ATG2A: variants seen among roughly 807,000 people sequenced by gnomAD.
ATG2A encodes the protein autophagy related 2A.
Under a neutral mutation model 214.2 loss-of-function variants are expected in ATG2A, and 103 were observed. That is an observed-to-expected ratio of 0.48 (90% confidence interval 0.41 to 0.57). ATG2A has a LOEUF of 0.57. ATG2A is among the 20% of genes least tolerant of loss of function. The pLI is 0.00. For synonymous variants in ATG2A, 1,160 were observed against 1,142.1 expected, an observed-to-expected ratio of 1.02 and a Z score of -0.32; for missense variants, 2,312 against 2,613.2, an observed-to-expected ratio of 0.88 and a Z score of 2.51.
At chr11:64,908,562 G>GA (rs952816571) in intron 16 of ATG2A, among the ~76,000 whole-genome samples, 55 of 148,800 alleles carry the variant, frequency 3.7e-4, no homozygotes, top group Admixed American at 1.8e-3. Flanking sequence ...AAAAAAAAAA[G>GA]AAAAAAAAAG....
At chr11:64,901,286 C>A (rs563609642) in intron 29 of ATG2A, among the ~76,000 whole-genome samples, 194 bp from the exon 30 acceptor site, 1 of 152,116 alleles carries the variant, frequency 6.6e-6, no homozygotes, top group Admixed American at 6.5e-5. Flanking sequence ...TAGGCTCAAG[C>A]GATCCTCCAT....
At position 64,894,592 on chromosome 11, in the gene ATG2A, ACTCACGGAG is replaced by A. The variant is rs1208300363; in HGVS notation, c.*372_*380del. The A allele has an allele frequency of 2.0e-6, 1 of 503,184 alleles. No homozygotes were observed. The highest frequency in any genetic ancestry group is 3.9e-6 in the Non-Finnish European group (1 of 258,072). The allele number at this position is 503,184 out of a possible 1,614,324, so 31.2% of individuals were successfully genotyped here. ...ACTTCATGCAGACACTGACCCACGC[ACTCACGGAG>A]CTTAAAAATAATACATCGAACCACA... On this transcript the variant is annotated 3_prime_UTR_variant, in exon 41 of 41. Coordinates refer to ENST00000377264, the MANE Select transcript of ATG2A (RefSeq NM_015104.3).
Position 64,913,039 on chromosome 11 carries a change from T to C in ATG2A, c.824A>G (p.Lys275Arg), listed in dbSNP as rs1183214921. ...CTCCCCAGGGGCCTGGGGACCCACC[T>C]TGGGGCCAGGGAAGGCCTCATTTTG... is the stretch of plus-strand genomic sequence containing the variant. ...LKQNEAFPGP[K>R]LEVAGQLGSL... The change falls in exon 6 of 41, where the codon AAG (lysine) becomes AGG (arginine). Residue 275 changes from lysine to arginine, a missense_variant and splice_region_variant. Lys to Arg is a conservative substitution (Grantham distance 26). Transcript: ENST00000377264. The surrounding 1 kb of genome is among the most constrained non-coding windows in gnomAD (Gnocchi z 4.3). 3 of 1,551,806 alleles carry C rather than the reference T, an allele frequency of 1.9e-6. No individual in the cohort carries two copies. Among genetic ancestry groups the C allele is most frequent in the East Asian group, 2.3e-5 (1 of 42,602 alleles).
In ATG2A at chr11:64,913,874, C is replaced by T; in HGVS notation, c.537G>A (p.Glu179=). Residue 179 remains glutamate, a synonymous_variant, in exon 4 of 41, where the codon GAG becomes GAA. Transcript: ENST00000377264. The surrounding 1 kb of genome is among the most constrained non-coding windows in gnomAD (Gnocchi z 4.3). ...VTFLDTVVRV[E]HSPGDGERGV... Reference sequence around the variant, plus strand: ...CACGTTCCCCATCACCCGGAGAGTGCTCCACCCTCACGACAGTGTCCAGGA... The same window carrying T: ...CACGTTCCCCATCACCCGGAGAGTGTTCCACCCTCACGACAGTGTCCAGGA... 6.2e-7 allele frequency: 1 copy of T among 1,614,022 alleles called. No homozygotes were observed. The highest frequency in any genetic ancestry group is 8.5e-7 in the Non-Finnish European group (1 of 1,180,024).
rs1944416615 is a variant in ATG2A at position 64,903,080 on chromosome 11, C to A, written c.3612+208G>T. Among the ~76,000 whole-genome samples, 1 of 152,156 alleles carries A rather than the reference C, an allele frequency of 6.6e-6. No individual in the cohort carries two copies. Among genetic ancestry groups the A allele is most frequent in the East Asian group, 1.9e-4 (1 of 5,196 alleles). On this transcript the variant is annotated intron_variant, in intron 26 of 40. Transcript: ENST00000377264. This position sits in a 1 kb window ranked among gnomAD's most constrained non-coding sequence, Gnocchi z 4.2. ...CGTCCTCTGGTGGCAGGGCTGAAAC[C>A]CATTCATTCATTCAGCCAGCATCAA...
intron 16 of ATG2A, 89 bp from the exon 17 acceptor site, chr11:64,907,979 G>A (rs555474005): frequency 4.4e-5 from 64 of 1,443,802 alleles, no homozygotes; most frequent in East Asian, 9.5e-5. Flanking sequence ...CCCTCCTGTC[G>A]TTCATCATTC....
At position 64,906,626 on chromosome 11, in the gene ATG2A, C is replaced by T. The variant is rs200263070; in HGVS notation, c.2983+39G>A. ...CGTCCTGAAAGCCCTCCACCCCCAA[C>T]CCTGGACCCCAGTGGTGACCTGCCC... On this transcript the variant is annotated intron_variant, in intron 20 of 40. Coordinates refer to ENST00000377264, the MANE Select transcript of ATG2A (RefSeq NM_015104.3). 16 of 1,611,480 alleles carry T rather than the reference C, an allele frequency of 9.9e-6. No homozygotes were observed. The African/African-American group carries it at 2.0e-4, about 20-fold the overall frequency.
Position 64,913,212 on chromosome 11 carries a change from T to A in ATG2A, c.726+54A>T. 6.2e-7 allele frequency: 1 copy of A among 1,611,328 alleles called. No individual in the cohort carries two copies. The highest frequency in any genetic ancestry group is 1.3e-5 in the African/African-American group (1 of 74,964). ...GATGGTCAGAAAGGATGGGAGGGGC[T>A]CAATGGGCTCAAGGGAGAGGAGACA... On this transcript the variant is annotated intron_variant, in intron 5 of 40. Transcript: ENST00000377264. The surrounding 1 kb of genome is among the most constrained non-coding windows in gnomAD (Gnocchi z 4.3).
chr11:64,905,472 A>C, intron 24 of ATG2A, 91 bp downstream of exon 24: 1 of 1,334,294 alleles, frequency 7.5e-7, no homozygotes, highest in Non-Finnish European at 1.0e-6. Flanking sequence ...CCGGGTGTAC[A>C]TTAAGACCGA....
In ATG2A at chr11:64,909,737, C is replaced by T. The variant is rs142419696; in HGVS notation, c.2051G>A (p.Ser684Asn). 7.4e-6 allele frequency: 12 copies of T among 1,613,054 alleles called. No homozygotes were observed. Among genetic ancestry groups the T allele is most frequent in the Middle Eastern group, 1.6e-4 (1 of 6,082 alleles). ...SEPQFRSELS[S>N]GPGPPVPTHL... is the part of the protein sequence containing the mutation. Reference sequence around the variant, plus strand: ...GGTGGGGACTGGGGGACCAGGCCCACTGCTAAGCTCTGACCGGAACTGGGG... The same window carrying T: ...GGTGGGGACTGGGGGACCAGGCCCATTGCTAAGCTCTGACCGGAACTGGGG... The change falls in exon 14 of 41, where the codon AGT (serine) becomes AAT (asparagine). Residue 684 changes from serine to asparagine, a missense_variant. Ser to Asn is a conservative substitution (Grantham distance 46, BLOSUM62 1). Transcript: ENST00000377264.
At position 64,913,886 on chromosome 11, in the gene ATG2A, G is replaced by C; in HGVS notation, c.525C>G (p.Val175=). 6.2e-7 allele frequency: 1 copy of C among 1,614,026 alleles called. No individual in the cohort carries two copies. The highest frequency in any genetic ancestry group is 1.3e-5 in the African/African-American group (1 of 75,028). ...RRIKVTFLDT[V]VRVEHSPGDG... is the part of the protein sequence containing the mutation. The stretch of plus-strand genomic sequence containing the variant: ...CACCCGGAGAGTGCTCCACCCTCAC[G>C]ACAGTGTCCAGGAAGGTCACTTTGA... The change falls in exon 4 of 41, where the codon GTC becomes GTG. Residue 175 remains valine, a synonymous_variant. Transcript: ENST00000377264. The surrounding 1 kb of genome is among the most constrained non-coding windows in gnomAD (Gnocchi z 4.3).
intron 26 of ATG2A, 64 bp from the exon 27 acceptor site, chr11:64,902,744 C>A: frequency 6.7e-7 from 1 of 1,486,146 alleles, no homozygotes; most frequent in Non-Finnish European, 9.2e-7. Context: ...CTGGCCCCAC[C>A]CGCTCGCTGG....
rs1293471761 is a variant in ATG2A at position 64,895,453 on chromosome 11, T to G, written c.5428-11A>C. On this transcript the variant is annotated splice_polypyrimidine_tract_variant and intron_variant, in intron 39 of 40. Transcript: ENST00000377264. The surrounding 1 kb of genome is among the most constrained non-coding windows in gnomAD (Gnocchi z 5.0). ...GGTCTCAGCTGTGGCCTGGGGGACA[T>G]GGGAGCACTGGATGAGGACAGCTGG... is the stretch of plus-strand genomic sequence containing the variant. The G allele has an allele frequency of 6.4e-7, 1 of 1,550,966 alleles. No homozygotes were observed. The highest frequency in any genetic ancestry group is 8.7e-7 in the Non-Finnish European group (1 of 1,146,210).
chr11:64,902,817 G>T, intron 26 of ATG2A, 137 bp from the exon 27 acceptor site: 1 of 734,440 alleles, frequency 1.4e-6, no homozygotes, highest in Non-Finnish European at 2.3e-6. Flanking sequence ...TGGAGTGGAT[G>T]ACCTGCCCAG....
rs1266629948 is a variant in ATG2A, at chr11:64,895,895, C to T, written c.5428-453G>A. Among the ~76,000 whole-genome samples the T allele has an allele frequency of 2.6e-5, 4 of 152,168 alleles. No individual in the cohort carries two copies. Among genetic ancestry groups the T allele is most frequent in the Admixed American group, 6.5e-5 (1 of 15,280 alleles). Reference sequence around the variant, plus strand: ...TCTTTCCCACCTGACTGAACACTCCCGGGGGCTCCCTGGTGCCCATGCATC... The same window carrying T: ...TCTTTCCCACCTGACTGAACACTCCTGGGGGCTCCCTGGTGCCCATGCATC... On this transcript the variant is annotated intron_variant, in intron 39 of 40. Transcript: ENST00000377264. This position sits in a 1 kb window ranked among gnomAD's most constrained non-coding sequence, Gnocchi z 5.0.
At position 64,898,706 on chromosome 11, in the gene ATG2A, G is replaced by C. The variant is rs1555182829; in HGVS notation, c.4601C>G (p.Ser1534Cys). The C allele has an allele frequency of 6.2e-7, 1 of 1,614,008 alleles. No homozygotes were observed. Among genetic ancestry groups the C allele is most frequent in the Non-Finnish European group, 8.5e-7 (1 of 1,180,026 alleles). The change falls in exon 32 of 41, where the codon TCC becomes TGC. Residue 1534 changes from serine to cysteine, a missense_variant. Transcript: ENST00000377264. This position sits in a 1 kb window ranked among gnomAD's most constrained non-coding sequence, Gnocchi z 4.5. Reference protein sequence around the residue: ...QELEVRDRLASSQINKFLYLH... With the variant: ...QELEVRDRLACSQINKFLYLH... ...GTACAGGAACTTGTTGATCTGGGAGGAGGCGAGCCGGTCTCGGACCTCCAG... is the reference window on the plus strand; with the variant it reads ...GTACAGGAACTTGTTGATCTGGGAGCAGGCGAGCCGGTCTCGGACCTCCAG...
rs199850488 is a variant in ATG2A, at chr11:64,896,624, G to T, written c.5273-8C>A. 42 of 1,612,282 alleles carry T rather than the reference G, an allele frequency of 2.6e-5. No homozygotes were observed. The highest frequency in any genetic ancestry group is 3.4e-5 in the Non-Finnish European group (40 of 1,178,636). ...GGTCCCGGAACCCTTGGACTAGGGG[G>T]AAGGAGCGCTCAGAGACACCCGAGG... On this transcript the variant is annotated splice_polypyrimidine_tract_variant and splice_region_variant and intron_variant, in intron 38 of 40. Transcript: ENST00000377264.
chr11:64,905,564 T>C lies in ATG2A; in HGVS notation c.3463A>G (p.Arg1155Gly). ...CCCAGTGTGGGGCGGCCTGCATACC[T>C]GAGCAGGAAGGTGGAGGTGTCCATG... The part of the protein sequence containing the change: ...IIMDTSTFLL[R>G]FILDDSALYL... The change falls in exon 24 of 41, where the codon AGG becomes GGG. Residue 1155 changes from arginine to glycine, a missense_variant and splice_region_variant. Transcript: ENST00000377264. 1.2e-6 allele frequency: 2 copies of C among 1,610,368 alleles called. No homozygotes were observed. The highest frequency in any genetic ancestry group is 1.7e-6 in the Non-Finnish European group (2 of 1,178,630).
chr11:64,899,143 G>A (rs1249838969), intron 31 of ATG2A, among the ~76,000 whole-genome samples: 1 of 152,150 alleles, frequency 6.6e-6, no homozygotes, highest in Admixed American at 6.5e-5. Flanking sequence ...GGCCTCAAGT[G>A]ATCTGCCTGC....
Sources: gnomAD v4.1 joint callset for allele counts (sites outside exome capture counted in the v4.1 genomes callset) on GRCh38, gnomAD v4.1.1 for gene constraint, Gnocchi (gnomAD v3.1) non-coding constraint, MANE v1.5 for transcripts, NCBI Gene and HGNC (gene_info 2026-07-23, HGNC 2026-07-21) for gene names.